C6orf132: variants seen among roughly 807,000 people sequenced by gnomAD.
The protein encoded by C6orf132 is uncharacterized protein C6orf132.
A neutral mutation model predicts 65.3 loss-of-function variants in C6orf132; 43 were observed. The observed-to-expected ratio is 0.66, with a 90% CI of 0.52 to 0.85. The LOEUF (loss-of-function observed/expected upper bound fraction) is 0.85, where lower values mean the gene tolerates loss of function less well. C6orf132 is among the 40% of genes least tolerant of loss of function. C6orf132 has a pLI of 0.00. For missense variants in C6orf132, 1,488 were observed against 1,548.8 expected (o/e 0.96, Z 0.66); for synonymous variants, 631 against 654.1 (o/e 0.96, Z 0.54).
intron 2 of C6orf132, among the ~76,000 whole-genome samples, chr6:42,121,392 G>A (rs1766681735): frequency 6.6e-6 from 1 of 152,230 alleles, no homozygotes; most frequent in South Asian, 2.1e-4. Flanking sequence ...AAGAAGGCAG[G>A]GAAGAAAACA....
At chr6:42,128,896 G>T in intron 1 of C6orf132, 118 bp from the exon 2 acceptor site, 1 of 694,804 alleles carries the variant, frequency 1.4e-6, no homozygotes, top group Non-Finnish European at 2.5e-6. Flanking sequence ...GTCTCCCAGT[G>T]TTGGATTCAG....
chr6:42,127,302 G>A (rs1044520215), intron 2 of C6orf132, among the ~76,000 whole-genome samples: 1 of 152,120 alleles, frequency 6.6e-6, no homozygotes, highest in Non-Finnish European at 1.5e-5. Context: ...TAATATCCAC[G>A]AACTGCTTTT....
In C6orf132 at chr6:42,106,457, G is replaced by A. The variant is rs1438021010; in HGVS notation, c.1455C>T (p.Asp485=). 1 of 1,536,260 alleles carries A rather than the reference G, an allele frequency of 6.5e-7. No individual in the cohort carries two copies. Among genetic ancestry groups the A allele is most frequent in the Admixed American group, 2.0e-5 (1 of 50,974 alleles). ...AAYLCGSRRE[D]RFLSHRPGPT... is the part of the protein sequence containing the mutation. ...GGCCTGGCCTGTGACTGAGGAATCGGTCCTCTCTCCTGGAGCCACAGAGAT... is the reference window on the plus strand; with the variant it reads ...GGCCTGGCCTGTGACTGAGGAATCGATCCTCTCTCCTGGAGCCACAGAGAT... The change falls in exon 4 of 5, where the codon GAC becomes GAT. Residue 485 remains aspartate (D), a synonymous_variant. Coordinates refer to ENST00000341865, the MANE Select transcript of C6orf132 (RefSeq NM_001164446.3).
At chr6:42,123,764 C>T (rs1002390874) in intron 2 of C6orf132, among the ~76,000 whole-genome samples, 2 of 152,124 alleles carry the variant, frequency 1.3e-5, no homozygotes, top group African/African-American at 4.8e-5. Flanking sequence ...CTGCTTCTAT[C>T]GAGCCCAGTG....
intron 1 of C6orf132, 34 bp from the exon 2 acceptor site, chr6:42,128,812 G>A (rs1248803419): frequency 6.7e-7 from 1 of 1,481,680 alleles, no homozygotes; most frequent in Admixed American, 2.0e-5. Context: ...ACCATAAGCT[G>A]GAGATCCAAG....
intron 3 of C6orf132, 26 bp from the exon 4 acceptor site, chr6:42,107,609 G>T: frequency 1.3e-6 from 2 of 1,550,604 alleles, no homozygotes; most frequent in Non-Finnish European, 1.7e-6. Flanking sequence ...GCAAAGATGG[G>T]GGGCAGGAAC....
At chr6:42,117,144 A>G (rs1340659878) in intron 2 of C6orf132, among the ~76,000 whole-genome samples, 4 of 152,130 alleles carry the variant, frequency 2.6e-5, no homozygotes. Flanking sequence ...GCCAGAGTTA[A>G]TTCTCCTCCC....
chr6:42,134,284 A>T (rs573091024), intron 1 of C6orf132, among the ~76,000 whole-genome samples: 3 of 152,200 alleles, frequency 2.0e-5, no homozygotes, highest in Non-Finnish European at 4.4e-5. Context: ...ATCTTTGTAC[A>T]TGTGAACAGT....
intron 1 of C6orf132, among the ~76,000 whole-genome samples, chr6:42,139,652 T>C (rs1294153091): frequency 6.6e-6 from 1 of 152,200 alleles, no homozygotes; most frequent in Admixed American, 6.5e-5. Context: ...CACAAATTAG[T>C]GAACTTTCTT....
At chr6:42,128,309 G>T (rs369560999) in intron 2 of C6orf132, among the ~76,000 whole-genome samples, 1 of 152,136 alleles carries the variant, frequency 6.6e-6, no homozygotes, top group African/African-American at 2.4e-5. Flanking sequence ...GAACAGCAAG[G>T]CTGGCCCAGT....
rs1167627347 is a variant in C6orf132, at chr6:42,106,676, TG to T, written c.1235del (p.Pro412GlnfsTer105). ...PLPPPAPPLP[P>X]AAPPLPCAQK... ...GAGCACAGGGCAAAGGAGGTGCAGC[TG>T]GGGGAAGTGGGGGTGCTGGGGGAGG... On this transcript the variant is annotated frameshift_variant, in exon 4 of 5. Coordinates refer to ENST00000341865, the MANE Select transcript of C6orf132 (RefSeq NM_001164446.3). LOFTEE classifies it high-confidence loss of function. The T allele has an allele frequency of 2.1e-6, 2 of 969,202 alleles. No individual in the cohort carries two copies. Among genetic ancestry groups the T allele is most frequent in the Admixed American group, 4.6e-5 (1 of 21,572 alleles). The allele number at this position is 969,202 out of a possible 1,614,324, so 60.0% of individuals were successfully genotyped here.
chr6:42,106,011 T>G lies in C6orf132; in HGVS notation c.1901A>C (p.Lys634Thr), dbSNP rs1310587799. The change falls in exon 4 of 5, where the codon AAG becomes ACG. Residue 634 changes from lysine (K) to threonine (T), a missense_variant. Physicochemically the swap from Lys to Thr is moderately conservative, Grantham distance 78 (BLOSUM62 -1). Transcript: ENST00000341865. ...TGGTATGGCTGGTCCCAACATAGCC[T>G]TGGGCTGGAGTGATGTAGTTGGCAG... ...TLLPTTSLQP[K>T]AMLGPAIPPK... is the part of the protein sequence containing the mutation. 1.2e-5 allele frequency: 18 copies of G among 1,537,102 alleles called. No homozygotes were observed. The highest frequency in any genetic ancestry group is 1.5e-5 in the Non-Finnish European group (17 of 1,146,894).
chr6:42,115,488 C>T (rs879646555), intron 2 of C6orf132, among the ~76,000 whole-genome samples: 13 of 147,766 alleles, frequency 8.8e-5, no homozygotes, highest in Non-Finnish European at 1.9e-4. Flanking sequence ...CTACTAAAAA[C>T]ACAAAATATT....
intron 2 of C6orf132, among the ~76,000 whole-genome samples, chr6:42,118,868 ATTTT>A (rs546407195): frequency 1.8e-5 from 2 of 113,200 alleles, no homozygotes; most frequent in Non-Finnish European, 1.8e-5. Context: ...CAGCCCTTTA[ATTTT>A]TTTTTTTTTT....
chr6:42,132,796 G>A (rs559514874), intron 1 of C6orf132, among the ~76,000 whole-genome samples: 14 of 150,812 alleles, frequency 9.3e-5, no homozygotes, highest in African/African-American at 3.4e-4. Flanking sequence ...AGCAGAGGTT[G>A]TAGTGAGCTG....
intron 2 of C6orf132, among the ~76,000 whole-genome samples, chr6:42,123,603 G>A (rs551088348): frequency 6.7e-6 from 1 of 150,338 alleles, no homozygotes; most frequent in East Asian, 1.9e-4. Flanking sequence ...AAGAAAGAAG[G>A]AAGAAGAAGA....
At chr6:42,114,052 G>T (rs1418077579) in intron 2 of C6orf132, among the ~76,000 whole-genome samples, 1 of 152,170 alleles carries the variant, frequency 6.6e-6, no homozygotes, top group East Asian at 1.9e-4. Flanking sequence ...ATGCTTAATG[G>T]TGTGTGTGGG....
rs372194319 is a variant in C6orf132 at position 42,133,037 on chromosome 6, G to A, written c.146-4259C>T. 2.7e-4 allele frequency among the ~76,000 whole-genome samples: 41 copies of A among 152,256 alleles called. No individual in the cohort carries two copies. In the South Asian group the frequency reaches 4.4e-3, roughly 16 times the overall value. ...CAAAGCATTCAAGGTCAGAACTGGG[G>A]TCTTCCCAGCCTCAAGGTCAAGGCC... On this transcript the variant is annotated intron_variant, in intron 1 of 4. Coordinates refer to ENST00000341865, the MANE Select transcript of C6orf132 (RefSeq NM_001164446.3).
At chr6:42,138,176 T>C (rs972556816) in intron 1 of C6orf132, among the ~76,000 whole-genome samples, 1 of 152,182 alleles carries the variant, frequency 6.6e-6, no homozygotes, top group African/African-American at 2.4e-5. Flanking sequence ...GGACAGGATC[T>C]TGCTCTGTCA....
Sources: allele counts gnomAD v4.1 joint callset (sites outside exome capture counted in the v4.1 genomes callset), GRCh38; gene constraint gnomAD v4.1.1; transcripts MANE v1.5; gene names NCBI Gene and HGNC (gene_info 2026-07-23, HGNC 2026-07-21).